The following SV2C variants were observed in gnomAD, a reference collection of about 807,000 sequenced individuals.
The protein encoded by SV2C is solute carrier family 22 member B3.
In SV2C, 49 loss-of-function variants were observed where a neutral mutation model predicts 79.7. The ratio of observed to expected loss-of-function variants is 0.61; its 90% CI spans 0.49 to 0.78. The LOEUF is 0.78. Among genes scored for constraint, SV2C ranks in the 30% least tolerant of loss-of-function variants. The pLI is 0.00. For missense variants in SV2C, 833 were observed against 912.9 expected (o/e 0.91, Z 1.13); for synonymous variants, 334 against 333.2 (o/e 1.00, Z -0.03).
the SV2C span, among the ~76,000 whole-genome samples, chr5:76,074,247 C>T: frequency 6.6e-6 from 1 of 152,158 alleles, no homozygotes; most frequent in African/African-American, 2.4e-5. Flanking sequence ...TTTGGAGTCT[C>T]CAAACCAATC....
intron 4 of SV2C, among the ~76,000 whole-genome samples, chr5:76,264,130 C>G (rs1044891076): frequency 3.3e-5 from 5 of 151,892 alleles, no homozygotes; most frequent in African/African-American, 1.2e-4. Flanking sequence ...TTTGTTCATT[C>G]CTTTTCATTC....
At chr5:75,961,999 G>C in the SV2C span, among the ~76,000 whole-genome samples, 1 of 152,018 alleles carries the variant, frequency 6.6e-6, no homozygotes, top group Non-Finnish European at 1.5e-5. Context: ...GATCCTCCCT[G>C]TGCTCTGAAC....
chr5:75,869,767 C>T, the SV2C span, among the ~76,000 whole-genome samples: 13 of 152,156 alleles, frequency 8.5e-5, no homozygotes, highest in African/African-American at 1.9e-4. Flanking sequence ...GCCACAGGGA[C>T]GCTTGTGTCA....
Position 76,171,538 on chromosome 5 carries a change from G to T in SV2C, c.581-23381G>T, listed in dbSNP as rs1294235177. 1.9e-3 allele frequency among the ~76,000 whole-genome samples: 265 copies of T among 140,414 alleles called. 4 individuals carry two copies. Among genetic ancestry groups the T allele is most frequent in the African/African-American group, 6.5e-3 (257 of 39,266 alleles). The allele number at this position is 140,414 out of a possible 152,430, so 92.1% of individuals were successfully genotyped here. A position where few individuals can be genotyped will look rare whatever the true frequency, so the allele number is the denominator to read the frequency against. On this transcript the variant is annotated intron_variant, in intron 2 of 12. Coordinates refer to ENST00000502798, the MANE Select transcript of SV2C (RefSeq NM_014979.4). ...CGTCTGAGAAGTGAGGAGCCTCTCC[G>T]CCCGGCAGCCACCCCATCTGGGAAG...
chr5:76,263,828 C>T (rs568506506), intron 4 of SV2C, among the ~76,000 whole-genome samples: 1 of 152,146 alleles, frequency 6.6e-6, no homozygotes, highest in South Asian at 2.1e-4. Context: ...TTGTAGGTAA[C>T]CTGACCTTTT....
chr5:76,351,307 G>C (rs560468813), intron 12 of SV2C, among the ~76,000 whole-genome samples: 36 of 152,092 alleles, frequency 2.4e-4, no homozygotes, highest in Non-Finnish European at 4.6e-4. Flanking sequence ...AATTAGCCAG[G>C]CACGGTGACG....
the SV2C span, among the ~76,000 whole-genome samples, chr5:75,993,849 TTC>T: frequency 6.6e-6 from 1 of 152,040 alleles, no homozygotes; most frequent in African/African-American, 2.4e-5. Context: ...TGCAATGAAA[TTC>T]TCTCAGGCTA....
the SV2C span, among the ~76,000 whole-genome samples, chr5:75,896,278 T>C: frequency 6.7e-6 from 1 of 148,856 alleles, no homozygotes; most frequent in South Asian, 2.2e-4. Context: ...ATGTTCTCAT[T>C]GTTCAATTCC....
At chr5:76,014,084 C>T in the SV2C span, among the ~76,000 whole-genome samples, 3 of 144,544 alleles carry the variant, frequency 2.1e-5, no homozygotes, top group African/African-American at 7.7e-5. Context: ...TTTTAACAGC[C>T]AAGAAGAAGG....
At chr5:76,303,072 C>G (rs1580051669) in intron 12 of SV2C, among the ~76,000 whole-genome samples, 2 of 152,216 alleles carry the variant, frequency 1.3e-5, no homozygotes, top group African/African-American at 4.8e-5. Context: ...TTGCAGAACC[C>G]TGTAGGTACC....
At chr5:76,006,885 A>T in the SV2C span, among the ~76,000 whole-genome samples, 1 of 151,882 alleles carries the variant, frequency 6.6e-6, no homozygotes. Context: ...TCCAAATTTC[A>T]CTCACTCTTA....
At chr5:76,186,001 C>G (rs1743903756) in intron 2 of SV2C, among the ~76,000 whole-genome samples, 1 of 152,206 alleles carries the variant, frequency 6.6e-6, no homozygotes, top group Non-Finnish European at 1.5e-5. Flanking sequence ...TACCCTAAAT[C>G]ATCTTTCTCA....
At chr5:76,093,138 G>A (rs1326023216) in intron 1 of SV2C, among the ~76,000 whole-genome samples, 1 of 152,112 alleles carries the variant, frequency 6.6e-6, no homozygotes, top group Non-Finnish European at 1.5e-5. Flanking sequence ...AACTGAACAT[G>A]TCTCTTTATA....
At chr5:75,940,660 A>G in the SV2C span, among the ~76,000 whole-genome samples, 1 of 152,148 alleles carries the variant, frequency 6.6e-6, no homozygotes, top group Non-Finnish European at 1.5e-5. Context: ...CCTGGCTATT[A>G]GAGTTGACTT....
At chr5:75,897,610 C>A in the SV2C span, among the ~76,000 whole-genome samples, 1 of 152,304 alleles carries the variant, frequency 6.6e-6, no homozygotes, top group Non-Finnish European at 1.5e-5. Context: ...TGAAGAAAGT[C>A]ATTGGTAGCT....
intron 4 of SV2C, among the ~76,000 whole-genome samples, chr5:76,284,782 A>G (rs886196007): frequency 2.0e-5 from 3 of 152,248 alleles, no homozygotes; most frequent in Non-Finnish European, 4.4e-5. Context: ...GATGCAGTCC[A>G]CAGAGGGCCA....
chr5:75,882,903 A>G, the SV2C span, among the ~76,000 whole-genome samples: 1 of 152,104 alleles, frequency 6.6e-6, no homozygotes, highest in Admixed American at 6.6e-5. Context: ...GTAAAGAGGC[A>G]ACCTACAAAA....
chr5:75,882,365 C>T, the SV2C span, among the ~76,000 whole-genome samples: 1 of 126,620 alleles, frequency 7.9e-6, no homozygotes, highest in Admixed American at 7.9e-5. Flanking sequence ...CCATCAAGCT[C>T]CAATGACTTC....
At chr5:75,880,689 T>A in the SV2C span, among the ~76,000 whole-genome samples, 1 of 152,184 alleles carries the variant, frequency 6.6e-6, no homozygotes, top group Non-Finnish European at 1.5e-5. Flanking sequence ...TTCCAAACTT[T>A]CCCTCATCTT....
Sources: gnomAD v4.1 joint callset for allele counts (sites outside exome capture counted in the v4.1 genomes callset) on GRCh38, gnomAD v4.1.1 for gene constraint, MANE v1.5 for transcripts, NCBI Gene and HGNC (gene_info 2026-07-23, HGNC 2026-07-21) for gene names.